The following PACRG variants were observed in gnomAD, a reference collection of about 807,000 sequenced individuals.
PACRG encodes parkin coregulated gene protein.
A neutral mutation model predicts 29.7 loss-of-function variants in PACRG; 29 were observed. The ratio of observed to expected loss-of-function variants is 0.98; its 90% confidence interval spans 0.73 to 1.33. The LOEUF (loss-of-function observed/expected upper bound fraction) is 1.33, where lower values mean the gene tolerates loss of function less well. PACRG is among the 40% of genes most tolerant of loss of function. The pLI is 0.00. For missense variants in PACRG, 279 were observed against 316.2 expected (o/e 0.88, Z 0.89); for synonymous variants, 116 against 118.7 (o/e 0.98, Z 0.15).
intron 1 of PACRG, among the ~76,000 whole-genome samples, chr6:162,738,667 T>A (rs1354946827): frequency 6.6e-6 from 1 of 152,196 alleles, no homozygotes; most frequent in Non-Finnish European, 1.5e-5. Flanking sequence ...ATTTCATTTT[T>A]AAAGGTAAGG....
At chr6:163,035,084 T>C (rs934992013) in intron 2 of PACRG, among the ~76,000 whole-genome samples, 3 of 152,200 alleles carry the variant, frequency 2.0e-5, no homozygotes, top group Non-Finnish European at 2.9e-5. Flanking sequence ...GCAGTGAGTA[T>C]GACCAGAGGT....
chr6:163,224,035 C>A (rs773065484), intron 4 of PACRG, among the ~76,000 whole-genome samples: 1 of 151,958 alleles, frequency 6.6e-6, no homozygotes, highest in Non-Finnish European at 1.5e-5. Flanking sequence ...TATATGGAAC[C>A]ACAAACACCC....
chr6:163,074,713 A>C (rs762497038), intron 3 of PACRG, among the ~76,000 whole-genome samples: 21 of 152,216 alleles, frequency 1.4e-4, no homozygotes, highest in Non-Finnish European at 2.2e-4. Flanking sequence ...AATAAAGCAA[A>C]AATAAATTAA....
intron 4 of PACRG, among the ~76,000 whole-genome samples, chr6:163,151,567 C>T (rs1037859523): frequency 1.3e-5 from 2 of 152,178 alleles, no homozygotes; most frequent in African/African-American, 4.8e-5. Flanking sequence ...TTCAGAGAGA[C>T]ATTTTATTAT....
At chr6:163,242,802 T>G (rs948914535) in intron 4 of PACRG, among the ~76,000 whole-genome samples, 1 of 152,238 alleles carries the variant, frequency 6.6e-6, no homozygotes, top group Non-Finnish European at 1.5e-5. Context: ...AAAAATTTAT[T>G]TTTCACTTTA....
At chr6:162,729,675 A>G (rs1779597477) in intron 1 of PACRG, among the ~76,000 whole-genome samples, 1 of 151,804 alleles carries the variant, frequency 6.6e-6, no homozygotes, top group Non-Finnish European at 1.5e-5. Flanking sequence ...TCTACACAAT[A>G]TTTACAATTT....
intron 4 of PACRG, among the ~76,000 whole-genome samples, chr6:163,242,249 G>A (rs139102812): frequency 6.6e-6 from 1 of 152,266 alleles, no homozygotes; most frequent in East Asian, 1.9e-4. Context: ...GCATTTCAGA[G>A]AAATGATTAT....
intron 2 of PACRG, among the ~76,000 whole-genome samples, chr6:163,012,079 A>G (rs1320385811): frequency 6.6e-6 from 1 of 152,220 alleles, no homozygotes; most frequent in Non-Finnish European, 1.5e-5. Context: ...GTTCCACCCT[A>G]ACATCCACAA....
At position 162,804,275 on chromosome 6, in the gene PACRG, A is replaced by C. The variant is rs75839360; in HGVS notation, c.157-9872A>C. On this transcript the variant is annotated intron_variant, in intron 1 of 4. Transcript: ENST00000366888. ...ACAATTTGTAACTTTGTAGTCTTGA[A>C]ATCTAAATTCCATCTCTGCCTGTAG... Among the ~76,000 whole-genome samples, 1,386 of 152,268 alleles carry C rather than the reference A, an allele frequency of 9.1e-3. 3 individuals carry two copies. The highest frequency in any genetic ancestry group is 0.015 in the Non-Finnish European group (1,022 of 68,022).
intron 2 of PACRG, among the ~76,000 whole-genome samples, chr6:163,027,848 G>A (rs1380069114): frequency 6.6e-6 from 1 of 152,292 alleles, no homozygotes; most frequent in Non-Finnish European, 1.5e-5. Context: ...TCATTCATGC[G>A]CCCATGAAAA....
At chr6:163,044,962 A>G (rs1809179702) in intron 2 of PACRG, among the ~76,000 whole-genome samples, 1 of 152,344 alleles carries the variant, frequency 6.6e-6, no homozygotes. Flanking sequence ...CTCCTCTCCA[A>G]TGAATGAAAG....
chr6:162,959,127 A>G (rs913707821), intron 2 of PACRG, among the ~76,000 whole-genome samples: 4 of 149,980 alleles, frequency 2.7e-5, no homozygotes, highest in Non-Finnish European at 5.9e-5. Flanking sequence ...TTATGTTGAC[A>G]AGGCTAGTCT....
intron 2 of PACRG, among the ~76,000 whole-genome samples, chr6:163,004,270 T>C (rs1267969635): frequency 6.6e-6 from 1 of 150,618 alleles, no homozygotes; most frequent in Non-Finnish European, 1.5e-5. Context: ...TATATCATTA[T>C]ATATAAAGTA....
intron 2 of PACRG, among the ~76,000 whole-genome samples, chr6:162,893,091 C>T (rs897586326): frequency 2.7e-5 from 4 of 150,158 alleles, no homozygotes; most frequent in East Asian, 3.9e-4. Flanking sequence ...AAGAGGTAAG[C>T]GGGGTGAGGG....
At chr6:163,227,611 CT>C (rs1450718057) in intron 4 of PACRG, among the ~76,000 whole-genome samples, 1 of 152,186 alleles carries the variant, frequency 6.6e-6, no homozygotes, top group Non-Finnish European at 1.5e-5. Flanking sequence ...CGTTACAGGA[CT>C]TGCACTGAGC....
intron 2 of PACRG, among the ~76,000 whole-genome samples, chr6:162,907,684 A>T (rs1796024748): frequency 6.6e-6 from 1 of 152,156 alleles, no homozygotes; most frequent in South Asian, 2.1e-4. Context: ...ACACATAAAA[A>T]GAGCTACATT....
In PACRG at chr6:162,985,400, C is replaced by T. The variant is rs544743555; in HGVS notation, c.292-76750C>T. On this transcript the variant is annotated intron_variant, in intron 2 of 4. Coordinates refer to ENST00000366888, the MANE Select transcript of PACRG (RefSeq NM_001080379.2). ...TATGAGGGATGCAGGGATGGTTTAA[C>T]GTACATAAGTCAGTAACTGTGATAA... is the stretch of plus-strand genomic sequence containing the variant. Among the ~76,000 whole-genome samples the T allele has an allele frequency of 1.6e-4, 24 of 152,102 alleles. No individual in the cohort carries two copies. The South Asian group carries it at 2.1e-3, about 13-fold the overall frequency.
intron 4 of PACRG, among the ~76,000 whole-genome samples, chr6:163,186,697 T>C (rs1023628987): frequency 6.6e-6 from 1 of 152,196 alleles, no homozygotes; most frequent in Non-Finnish European, 1.5e-5. Context: ...AGGCGCTCCC[T>C]GGCCCCATCT....
At chr6:163,033,673 A>AT (rs1341342947) in intron 2 of PACRG, among the ~76,000 whole-genome samples, 1 of 152,266 alleles carries the variant, frequency 6.6e-6, no homozygotes, top group Non-Finnish European at 1.5e-5. Context: ...ACATAGAAAG[A>AT]TAAAAGATAG....
Sources: gnomAD v4.1 joint callset for allele counts (sites outside exome capture counted in the v4.1 genomes callset) on GRCh38, gnomAD v4.1.1 for gene constraint, MANE v1.5 for transcripts, NCBI Gene and HGNC (gene_info 2026-07-23, HGNC 2026-07-21) for gene names.